Variants in NXPE2 observed in about 807,000 individuals in gnomAD.
NXPE2 encodes the protein NXPE family member 2.
In NXPE2, 34 loss-of-function variants were observed where a neutral mutation model predicts 34.4. That is an observed-to-expected ratio of 0.99 (90% CI 0.75 to 1.31). NXPE2 has a LOEUF of 1.31. Among genes scored for constraint, NXPE2 ranks in the 40% most tolerant of loss-of-function variants. The pLI is 0.00. For missense variants in NXPE2, 649 were observed against 672.5 expected (o/e 0.97, Z 0.39); for synonymous variants, 235 against 231.3 (o/e 1.02, Z -0.15).
chr11:114,773,287 C>CG, the NXPE2 span, among the ~76,000 whole-genome samples: 38 of 93,452 alleles, frequency 4.1e-4, 1 homozygote, highest in African/African-American at 1.0e-3. Context: ...CCACCCCCCC[C>CG]CCACCCCATT....
chr11:114,726,255 G>A, the NXPE2 span, among the ~76,000 whole-genome samples: 8 of 151,764 alleles, frequency 5.3e-5, no homozygotes, highest in African/African-American at 1.7e-4. Flanking sequence ...CCCCTTTTAT[G>A]TTATATGCCA....
the NXPE2 span, chr11:114,570,908 A>T: frequency 6.7e-7 from 1 of 1,486,970 alleles, no homozygotes; most frequent in Admixed American, 2.0e-5. Context: ...TTTTTTACTT[A>T]AGTGAATGAA....
At chr11:114,561,969 T>C in the NXPE2 span, among the ~76,000 whole-genome samples, 2 of 152,346 alleles carry the variant, frequency 1.3e-5, no homozygotes, top group Non-Finnish European at 2.9e-5. Flanking sequence ...TCACGTATCA[T>C]ATTTTAAATT....
the NXPE2 span, among the ~76,000 whole-genome samples, chr11:114,762,952 C>A: frequency 6.6e-6 from 1 of 152,110 alleles, no homozygotes; most frequent in Admixed American, 6.5e-5. Flanking sequence ...GAAATTAGGA[C>A]AACGTCATGG....
At chr11:114,474,244 T>C in the NXPE2 span, among the ~76,000 whole-genome samples, 1 of 152,134 alleles carries the variant, frequency 6.6e-6, no homozygotes, top group African/African-American at 2.4e-5. Context: ...TGAATGGCAT[T>C]TGACATCATG....
At chr11:114,538,019 C>T in the NXPE2 span, among the ~76,000 whole-genome samples, 102 of 152,344 alleles carry the variant, frequency 6.7e-4, no homozygotes, top group South Asian at 0.017. Flanking sequence ...CGCTACCTGA[C>T]TTCAAACTAT....
At chr11:114,493,401 C>T in the NXPE2 span, among the ~76,000 whole-genome samples, 18 of 152,192 alleles carry the variant, frequency 1.2e-4, no homozygotes, top group South Asian at 1.2e-3. Context: ...CCTTCTTTCC[C>T]GTCTTCATGT....
chr11:114,624,638 A>T, the NXPE2 span, among the ~76,000 whole-genome samples: 1 of 152,012 alleles, frequency 6.6e-6, no homozygotes, highest in Non-Finnish European at 1.5e-5. Context: ...CCCAGTGGAT[A>T]ATAAGTATTG....
At chr11:114,725,030 G>A in the NXPE2 span, among the ~76,000 whole-genome samples, 1 of 151,390 alleles carries the variant, frequency 6.6e-6, no homozygotes, top group African/African-American at 2.4e-5. Flanking sequence ...AGCAGCGTTT[G>A]TGTCCATGGT....
chr11:114,540,807 C>A, the NXPE2 span, among the ~76,000 whole-genome samples: 1 of 128,106 alleles, frequency 7.8e-6, no homozygotes, highest in Non-Finnish European at 1.6e-5. Context: ...AGTCTACTAG[C>A]AGAGTAGCTA....
chr11:114,547,853 AG>A, the NXPE2 span, among the ~76,000 whole-genome samples: 1 of 152,202 alleles, frequency 6.6e-6, no homozygotes, highest in Non-Finnish European at 1.5e-5. Flanking sequence ...TGTAAGTATC[AG>A]TATGGTTTTA....
the NXPE2 span, among the ~76,000 whole-genome samples, chr11:114,805,264 C>A: frequency 6.6e-6 from 1 of 151,674 alleles, no homozygotes; most frequent in African/African-American, 2.4e-5. Flanking sequence ...GCATGAGCCA[C>A]GCAGAAGATG....
At chr11:114,701,924 G>A (rs1426957044) in intron 3 of NXPE2, among the ~76,000 whole-genome samples, 3 of 152,150 alleles carry the variant, frequency 2.0e-5, no homozygotes, top group Non-Finnish European at 4.4e-5. Flanking sequence ...CAGGACTTAA[G>A]CATATGCTGA....
the NXPE2 span, among the ~76,000 whole-genome samples, chr11:114,660,658 C>G: frequency 6.6e-6 from 1 of 151,852 alleles, no homozygotes; most frequent in Non-Finnish European, 1.5e-5. Context: ...ATATCATGTT[C>G]AATGGTGAAA....
chr11:114,497,487 G>T, the NXPE2 span, among the ~76,000 whole-genome samples: 1 of 151,188 alleles, frequency 6.6e-6, no homozygotes, highest in Non-Finnish European at 1.5e-5. Flanking sequence ...TATTTTAACC[G>T]TACTTTTTCT....
At chr11:114,552,180 T>C in the NXPE2 span, 1 of 152,164 alleles carries the variant, frequency 6.6e-6, no homozygotes, top group Admixed American at 6.6e-5. Flanking sequence ...AAACAAGATA[T>C]AGTACACAGT....
chr11:114,564,605 T>A, the NXPE2 span, among the ~76,000 whole-genome samples: 1 of 151,966 alleles, frequency 6.6e-6, no homozygotes. Context: ...GAGGGGGTGG[T>A]TGAGTATGCC....
chr11:114,727,408 T>C, the NXPE2 span, among the ~76,000 whole-genome samples: 3 of 152,048 alleles, frequency 2.0e-5, no homozygotes, highest in Admixed American at 2.0e-4. Flanking sequence ...CATGACCTGA[T>C]CATGTCTGAA....
chr11:114,599,465 A>G, the NXPE2 span, among the ~76,000 whole-genome samples: 1 of 152,130 alleles, frequency 6.6e-6, no homozygotes, highest in Non-Finnish European at 1.5e-5. Context: ...AGGTATATTT[A>G]TGGCAGTGTT....
Sources: allele counts gnomAD v4.1 joint callset (sites outside exome capture counted in the v4.1 genomes callset), GRCh38; gene constraint gnomAD v4.1.1; transcripts MANE v1.5; gene names NCBI Gene and HGNC (gene_info 2026-07-23, HGNC 2026-07-21).